GRIK4: variants seen among roughly 807,000 people sequenced by gnomAD.
GRIK4 encodes the protein glutamate receptor ionotropic, kainate 4.
In GRIK4, 40 loss-of-function variants were observed where a neutral mutation model predicts 104.9. The observed-to-expected ratio is 0.38, with a 90% CI of 0.30 to 0.50. The LOEUF is 0.50. Ranked by LOEUF, GRIK4 falls within the 20% of genes least tolerant of loss-of-function variation. The pLI is 0.93. For synonymous variants in GRIK4, 485 were observed against 524.9 expected, an observed-to-expected ratio of 0.92 and a Z score of 1.04; for missense variants, 1,047 against 1,308.1, an observed-to-expected ratio of 0.80 and a Z score of 3.08.
At chr11:120,715,026 T>G (rs1025222704) in intron 3 of GRIK4, among the ~76,000 whole-genome samples, 1 of 152,206 alleles carries the variant, frequency 6.6e-6, no homozygotes, top group Non-Finnish European at 1.5e-5. Flanking sequence ...TGATTCTGAA[T>G]TGCCTCTGGG....
At chr11:120,707,533 C>T (rs1950651229) in intron 3 of GRIK4, among the ~76,000 whole-genome samples, 1 of 152,172 alleles carries the variant, frequency 6.6e-6, no homozygotes, top group African/African-American at 2.4e-5. Flanking sequence ...GGCTGGACTC[C>T]CAGGGCCTAA....
At chr11:120,583,093 C>T (rs184874778) in intron 1 of GRIK4, among the ~76,000 whole-genome samples, 3 of 152,292 alleles carry the variant, frequency 2.0e-5, no homozygotes, top group Non-Finnish European at 4.4e-5. Context: ...ATTTGCATTT[C>T]TCTAATGATT....
chr11:120,714,142 T>C (rs3133855), intron 3 of GRIK4, among the ~76,000 whole-genome samples: 95,592 of 152,152 alleles, frequency 0.63, 30,239 homozygotes, highest in South Asian at 0.77. Context: ...TTAGCTGTGT[T>C]GAGACACCAT....
At chr11:120,795,946 A>G (rs1234443444) in intron 3 of GRIK4, among the ~76,000 whole-genome samples, 1 of 152,052 alleles carries the variant, frequency 6.6e-6, no homozygotes, top group Non-Finnish European at 1.5e-5. Context: ...CTAATACAGT[A>G]TAAGTGTTAT....
intron 13 of GRIK4, among the ~76,000 whole-genome samples, chr11:120,923,050 G>T (rs2134574526): frequency 6.6e-6 from 1 of 152,356 alleles, no homozygotes; most frequent in East Asian, 1.9e-4. Context: ...GTCCTAGGTG[G>T]CGACAGAACA....
chr11:120,585,737 T>TG (rs1381055636), intron 1 of GRIK4, among the ~76,000 whole-genome samples: 1 of 151,624 alleles, frequency 6.6e-6, no homozygotes, highest in Non-Finnish European at 1.5e-5. Context: ...TTTTTTTTTT[T>TG]GCAAATGGGT....
At chr11:120,554,751 G>A (rs1306940489) in intron 1 of GRIK4, among the ~76,000 whole-genome samples, 1 of 152,052 alleles carries the variant, frequency 6.6e-6, no homozygotes, top group East Asian at 1.9e-4. Flanking sequence ...TAGAGACGGA[G>A]TTTCACCATG....
intron 13 of GRIK4, among the ~76,000 whole-genome samples, chr11:120,937,939 T>A (rs528043379): frequency 6.6e-6 from 1 of 152,106 alleles, no homozygotes; most frequent in Non-Finnish European, 1.5e-5. Context: ...GAGGATAGAG[T>A]TGTTGACTTT....
In GRIK4 at chr11:120,902,283, C is replaced by T. The variant is rs1023531753; in HGVS notation, c.1273-3007C>T. Among the ~76,000 whole-genome samples the T allele has an allele frequency of 6.6e-6, 1 of 152,142 alleles. No homozygotes were observed. Among genetic ancestry groups the T allele is most frequent in the East Asian group, 1.9e-4 (1 of 5,182 alleles). On this transcript the variant is annotated intron_variant, in intron 12 of 20. Coordinates refer to ENST00000527524, the MANE Select transcript of GRIK4 (RefSeq NM_014619.5). This position sits in a 1 kb window ranked among gnomAD's most constrained non-coding sequence, Gnocchi z 4.5. ...AGCGGTTTGCCACATTCTCACCTCG[C>T]GTTCACAGCACCCCTGCTCCAGGCT...
chr11:120,962,302 T>C (rs1264102753), intron 17 of GRIK4, among the ~76,000 whole-genome samples, 154 bp from the exon 18 acceptor site: 1 of 152,146 alleles, frequency 6.6e-6, no homozygotes, highest in Admixed American at 6.5e-5. Context: ...ACATCTTGTG[T>C]TGAGAGACAG....
chr11:120,975,741 T>C (rs138228065), intron 19 of GRIK4, among the ~76,000 whole-genome samples: 73 of 152,234 alleles, frequency 4.8e-4, no homozygotes, highest in African/African-American at 1.4e-3. Context: ...CAGGATGAGT[T>C]CTGTAATCAC....
chr11:120,729,229 G>A (rs2135388612), intron 3 of GRIK4, among the ~76,000 whole-genome samples: 1 of 152,346 alleles, frequency 6.6e-6, no homozygotes, highest in South Asian at 2.1e-4. Flanking sequence ...ACATGGGAGT[G>A]CAGATATCTC....
At chr11:120,824,548 C>CTCTTTTTTTTTTT (rs1391390503) in intron 6 of GRIK4, among the ~76,000 whole-genome samples, 6 of 131,178 alleles carry the variant, frequency 4.6e-5, no homozygotes, top group Admixed American at 7.6e-5. Flanking sequence ...TTTTTTTTTT[C>CTCTTTTTTTTTTT]TTTTCTTTTT....
At chr11:120,936,703 C>A (rs941030854) in intron 13 of GRIK4, 6 of 152,966 alleles carry the variant, frequency 3.9e-5, no homozygotes, top group African/African-American at 1.4e-4. Flanking sequence ...CATTTCCCAT[C>A]TGGTTCTCAC....
At chr11:120,533,989 A>G (rs994733446) in intron 1 of GRIK4, among the ~76,000 whole-genome samples, 26 of 152,242 alleles carry the variant, frequency 1.7e-4, no homozygotes, top group African/African-American at 6.0e-4. Flanking sequence ...AAATAAAAAT[A>G]ATCACTCTGG....
At chr11:120,625,612 A>G (rs925562800) in intron 1 of GRIK4, among the ~76,000 whole-genome samples, 1 of 148,462 alleles carries the variant, frequency 6.7e-6, no homozygotes, top group Non-Finnish European at 1.5e-5. Flanking sequence ...GGCATAGCTC[A>G]TCTTTTCAGT....
chr11:120,928,626 T>G (rs1943406757), intron 13 of GRIK4, among the ~76,000 whole-genome samples: 1 of 152,176 alleles, frequency 6.6e-6, no homozygotes, highest in Non-Finnish European at 1.5e-5. Context: ...TAATTTCACC[T>G]GCAAATGAAC....
At chr11:120,518,601 G>T (rs1038141079) in intron 1 of GRIK4, among the ~76,000 whole-genome samples, 2 of 152,118 alleles carry the variant, frequency 1.3e-5, no homozygotes, top group Admixed American at 1.3e-4. Flanking sequence ...AGGGCTCCAG[G>T]CTTCCCAGCC....
chr11:120,787,773 T>C (rs1030543731), intron 3 of GRIK4, among the ~76,000 whole-genome samples: 3 of 150,272 alleles, frequency 2.0e-5, no homozygotes, highest in Non-Finnish European at 4.4e-5. Flanking sequence ...TCTTTGGATG[T>C]TTTTAAATGT....
Sources: allele counts gnomAD v4.1 joint callset (sites outside exome capture counted in the v4.1 genomes callset), GRCh38; gene constraint gnomAD v4.1.1; non-coding constraint Gnocchi (gnomAD v3.1); transcripts MANE v1.5; gene names NCBI Gene and HGNC (gene_info 2026-07-23, HGNC 2026-07-21).